The following CRYBG3 variants were observed in gnomAD, a reference collection of about 807,000 sequenced individuals.
The protein encoded by CRYBG3 is crystallin beta-gamma domain containing 3, also known as very large A-kinase anchor protein.
CRYBG3 carries 127 observed loss-of-function variants against 244.2 expected under a neutral mutation model. The ratio of observed to expected loss-of-function variants is 0.52; its 90% CI spans 0.45 to 0.60. The LOEUF (loss-of-function observed/expected upper bound fraction) is 0.60. CRYBG3 is among the 20% of genes least tolerant of loss of function. The probability of loss-of-function intolerance (pLI) is 0.00; values close to 1 mark genes in which losing one functional copy is unlikely to be tolerated. For synonymous variants in CRYBG3, 1,132 were observed against 1,195.8 expected, an observed-to-expected ratio of 0.95 and a Z score of 1.10; for missense variants, 3,325 against 3,442.5, an observed-to-expected ratio of 0.97 and a Z score of 0.85.
At chr3:97,910,575 C>G (rs2039858571) in intron 15 of CRYBG3, among the ~76,000 whole-genome samples, 2 of 152,218 alleles carry the variant, frequency 1.3e-5, no homozygotes, top group South Asian at 4.1e-4. Flanking sequence ...CTTGCGCTTC[C>G]CAAGTGAGGC....
At chr3:97,889,235 C>A in intron 9 of CRYBG3, 120 bp from the exon 10 acceptor site, 1 of 759,448 alleles carries the variant, frequency 1.3e-6, no homozygotes, top group Non-Finnish European at 2.2e-6. Flanking sequence ...TTGAATTTGA[C>A]TGGTGTGTAA....
intron 11 of CRYBG3, among the ~76,000 whole-genome samples, chr3:97,895,015 C>T (rs2039624203): frequency 6.6e-6 from 1 of 152,142 alleles, no homozygotes; most frequent in African/African-American, 2.4e-5. Context: ...TGTACCTTCA[C>T]AACCACAGTA....
intron 2 of CRYBG3, among the ~76,000 whole-genome samples, chr3:97,854,446 G>A (rs1177139162): frequency 6.6e-6 from 1 of 152,092 alleles, no homozygotes; most frequent in Non-Finnish European, 1.5e-5. Context: ...TGGCAGTATG[G>A]TCGTTTTCAC....
At chr3:97,831,346 G>T (rs1247050555) in intron 1 of CRYBG3, among the ~76,000 whole-genome samples, 1 of 152,118 alleles carries the variant, frequency 6.6e-6, no homozygotes, top group Non-Finnish European at 1.5e-5. Context: ...CTAGGGAAGG[G>T]ACTAGAGGTA....
rs116729656 is a variant in CRYBG3 at position 97,845,221 on chromosome 3, A to G, written c.216+1960A>G. 3.3e-3 allele frequency among the ~76,000 whole-genome samples: 501 copies of G among 152,336 alleles called. 1 individual carries two copies. Among genetic ancestry groups the G allele is most frequent in the African/African-American group, 0.012 (484 of 41,592 alleles). On this transcript the variant is annotated intron_variant, in intron 2 of 21. Transcript: ENST00000389622. ...AGAACCATAACAGATTTATGTAAAC[A>G]TAACCTTATATAGTCTTCTTTTTGT...
chr3:97,917,142 T>A (rs972522762), intron 17 of CRYBG3, among the ~76,000 whole-genome samples: 1 of 152,164 alleles, frequency 6.6e-6, no homozygotes, highest in Admixed American at 6.5e-5. Flanking sequence ...AGGGAGGGCA[T>A]TTTAGAAGCA....
At chr3:97,907,822 C>G (rs2039796862) in intron 15 of CRYBG3, among the ~76,000 whole-genome samples, 1 of 150,862 alleles carries the variant, frequency 6.6e-6, no homozygotes, top group Admixed American at 6.6e-5. Context: ...TTTTCTAGTT[C>G]TTTTAATTGT....
At chr3:97,870,120 A>G (rs2039283811) in intron 3 of CRYBG3, among the ~76,000 whole-genome samples, 3 of 152,314 alleles carry the variant, frequency 2.0e-5, no homozygotes, top group South Asian at 4.1e-4. Flanking sequence ...TTTTTCTACC[A>G]TACTGTTTTT....
intron 19 of CRYBG3, 71 bp downstream of exon 19, chr3:97,936,979 C>T: frequency 6.6e-7 from 1 of 1,516,430 alleles, no homozygotes; most frequent in Non-Finnish European, 9.0e-7. Context: ...ACCACAGCAT[C>T]TGAAATAATG....
At position 97,872,090 on chromosome 3, in the gene CRYBG3, G is replaced by T. The variant is rs559547153; in HGVS notation, c.896G>T (p.Gly299Val). The T allele has an allele frequency of 3.0e-4, 467 of 1,535,876 alleles. No individual in the cohort carries two copies. Among genetic ancestry groups the T allele is most frequent in the Non-Finnish European group, 3.9e-4 (448 of 1,146,768 alleles). ...DSSMKGNLLE[G>V]PLEDSDCSKT... ...TCTATGAAAGGAAATCTACTTGAAG[G>T]CCCATTAGAAGACTCTGATTGTAGC... is the stretch of plus-strand genomic sequence containing the variant. The change falls in exon 4 of 22, where the codon GGC (glycine) becomes GTC (valine). Residue 299 changes from glycine (G) to valine (V), a missense_variant. Gly to Val is a moderately radical substitution (Grantham distance 109). This residue lies in a region of CRYBG3 where 1,526 missense variants were observed against 1,443.2 expected (regional missense o/e 1.06). Transcript: ENST00000389622.
At chr3:97,838,997 T>C (rs1311534612) in intron 1 of CRYBG3, among the ~76,000 whole-genome samples, 1 of 152,146 alleles carries the variant, frequency 6.6e-6, no homozygotes, top group Non-Finnish European at 1.5e-5. Flanking sequence ...ATTTGAGCTA[T>C]TTTGAAAGAT....
intron 17 of CRYBG3, among the ~76,000 whole-genome samples, chr3:97,926,379 A>G (rs1338356925): frequency 6.6e-6 from 1 of 152,168 alleles, no homozygotes; most frequent in Non-Finnish European, 1.5e-5. Flanking sequence ...TCCCTTAATG[A>G]TAAAAACCCT....
At position 97,877,213 on chromosome 3, in the gene CRYBG3, C is replaced by G. The variant is rs1381300745; in HGVS notation, c.6019C>G (p.Leu2007Val). 1 of 1,613,958 alleles carries G rather than the reference C, an allele frequency of 6.2e-7. No individual in the cohort carries two copies. The highest frequency in any genetic ancestry group is 8.5e-7 in the Non-Finnish European group (1 of 1,179,918). ...SSFTILYEEP[L>V]QEEDKYASAE... ...CTTTACTATATTATACGAAGAGCCC[C>G]TTCAAGAGGAGGACAAGTATGCTTC... is the stretch of plus-strand genomic sequence containing the variant. Residue 2007 changes from leucine (L) to valine (V), a missense_variant, in exon 4 of 22, where the codon CTT (leucine) becomes GTT (valine). Around this residue, in one of 4 missense-constraint regions of CRYBG3, gnomAD observed 450 missense variants for 424.1 expected, o/e 1.06. Coordinates refer to ENST00000389622, the MANE Select transcript of CRYBG3 (RefSeq NM_153605.4).
intron 1 of CRYBG3, among the ~76,000 whole-genome samples, chr3:97,828,192 T>G (rs565488915): frequency 3.9e-5 from 6 of 152,328 alleles, no homozygotes; most frequent in Admixed American, 1.3e-4. Context: ...GGAACTCTTA[T>G]ACACTACTAG....
rs751042127 is a variant in CRYBG3, at chr3:97,912,274, T to A, written c.8112T>A (p.Gly2704=). The change falls in exon 16 of 22, where the codon GGT becomes GGA. Residue 2704 remains glycine (G), a splice_region_variant and synonymous_variant. Coordinates refer to ENST00000389622, the MANE Select transcript of CRYBG3 (RefSeq NM_153605.4). The part of the protein sequence containing the change: ...LMPCSFKVLR[G]CWLLYYQEDM... ...CATGTTCTTTTAAAGTTCTTCGAGGTTGGTAAGTATGCTTACTTAGTGGTT... is the reference window on the plus strand; with the variant it reads ...CATGTTCTTTTAAAGTTCTTCGAGGATGGTAAGTATGCTTACTTAGTGGTT... 1 of 1,530,522 alleles carries A rather than the reference T, an allele frequency of 6.5e-7. No individual in the cohort carries two copies. Among genetic ancestry groups the A allele is most frequent in the Admixed American group, 1.8e-5 (1 of 56,848 alleles). 94.8% of individuals were successfully genotyped at this position (1,530,522 alleles called of 1,614,324 possible).
intron 17 of CRYBG3, among the ~76,000 whole-genome samples, chr3:97,932,831 C>G (rs2040113292): frequency 6.6e-6 from 1 of 152,052 alleles, no homozygotes; most frequent in Non-Finnish European, 1.5e-5. Context: ...TGTTTTCCCT[C>G]TGTTCACCAT....
intron 2 of CRYBG3, among the ~76,000 whole-genome samples, chr3:97,856,457 G>C (rs2039065956): frequency 6.6e-6 from 1 of 152,142 alleles, no homozygotes; most frequent in African/African-American, 2.4e-5. Flanking sequence ...AAATCACAAT[G>C]GTATTGATTG....
intron 17 of CRYBG3, 77 bp from the exon 18 acceptor site, chr3:97,933,617 G>A (rs200297043): frequency 1.7e-5 from 24 of 1,431,406 alleles, no homozygotes; most frequent in Admixed American, 3.5e-5. Flanking sequence ...AATGGATTCA[G>A]GGTACCCTGT....
chr3:97,881,343 C>T (rs1045681475), intron 7 of CRYBG3, 124 bp downstream of exon 7: 3 of 571,694 alleles, frequency 5.2e-6, no homozygotes, highest in Non-Finnish European at 8.9e-6. Flanking sequence ...TCTTCATTAC[C>T]ATATTGATAA....
Sources: gnomAD v4.1 joint callset for allele counts (sites outside exome capture counted in the v4.1 genomes callset) on GRCh38, gnomAD v4.1.1 for gene constraint, gnomAD v4.1.1 regional missense constraint, MANE v1.5 for transcripts, NCBI Gene and HGNC (gene_info 2026-07-23, HGNC 2026-07-21) for gene names.